CLSTN2: variants seen among roughly 807,000 people sequenced by gnomAD.
The protein encoded by CLSTN2 is calsyntenin-2.
A neutral mutation model predicts 101.2 loss-of-function variants in CLSTN2; 48 were observed. The ratio of observed to expected loss-of-function variants is 0.47; its 90% CI spans 0.38 to 0.60. CLSTN2 has a LOEUF of 0.60. CLSTN2 is among the 20% of genes least tolerant of loss of function. The pLI is 0.00. For missense variants in CLSTN2, 1,160 were observed against 1,238.2 expected (o/e 0.94, Z 0.95); for synonymous variants, 481 against 463.6 (o/e 1.04, Z -0.48).
chr3:140,522,620 T>G (rs1258398190), intron 8 of CLSTN2, among the ~76,000 whole-genome samples: 1 of 152,250 alleles, frequency 6.6e-6, no homozygotes, highest in Non-Finnish European at 1.5e-5. Context: ...TACTGTAGCA[T>G]GCTAGTCCGC....
At chr3:140,284,833 A>T (rs546838890) in intron 2 of CLSTN2, among the ~76,000 whole-genome samples, 1 of 152,204 alleles carries the variant, frequency 6.6e-6, no homozygotes, top group East Asian at 1.9e-4. Context: ...GACAGAGTTA[A>T]GACCAGTGTC....
chr3:140,033,519 C>G (rs532002875), intron 1 of CLSTN2, among the ~76,000 whole-genome samples: 2 of 152,270 alleles, frequency 1.3e-5, no homozygotes, highest in African/African-American at 4.8e-5. Flanking sequence ...GTGCAAAATA[C>G]CTGATAATTG....
At chr3:140,268,451 T>G (rs1206901907) in intron 2 of CLSTN2, among the ~76,000 whole-genome samples, 3 of 152,176 alleles carry the variant, frequency 2.0e-5, no homozygotes, top group Non-Finnish European at 4.4e-5. Flanking sequence ...ATATACACTT[T>G]ATAGTGTTAT....
intron 2 of CLSTN2, among the ~76,000 whole-genome samples, chr3:140,287,250 G>A (rs1342469710): frequency 1.3e-5 from 2 of 152,142 alleles, no homozygotes; most frequent in African/African-American, 4.8e-5. Context: ...AAATCATTAT[G>A]CTGAGTGAAA....
At chr3:140,545,555 T>C (rs537376796) in intron 9 of CLSTN2, among the ~76,000 whole-genome samples, 4 of 152,276 alleles carry the variant, frequency 2.6e-5, no homozygotes, top group African/African-American at 9.6e-5. Context: ...GAACAAACAG[T>C]ACAAGATCCA....
chr3:139,957,389 C>T (rs1359806223), intron 1 of CLSTN2, among the ~76,000 whole-genome samples: 1 of 152,182 alleles, frequency 6.6e-6, no homozygotes, highest in Non-Finnish European at 1.5e-5. Context: ...CAACACTAAC[C>T]TTCTCTATGT....
intron 1 of CLSTN2, among the ~76,000 whole-genome samples, chr3:139,945,602 C>T (rs769294930): frequency 1.3e-5 from 2 of 152,114 alleles, no homozygotes; most frequent in Admixed American, 6.5e-5. Context: ...CATGGTTACA[C>T]AAAAAATGCA....
Position 140,516,913 on chromosome 3 carries a change from C to A in CLSTN2, c.1345-15411C>A, listed in dbSNP as rs542700467. The stretch of plus-strand genomic sequence containing the variant: ...CCATGGAAGTTTCCCTCAATTATTC[C>A]TTCAAATACGTTTTCCAAACTTTTA... On this transcript the variant is annotated intron_variant, in intron 8 of 16. Transcript: ENST00000458420. Among the ~76,000 whole-genome samples, 296 of 152,294 alleles carry A rather than the reference C, an allele frequency of 1.9e-3. 2 individuals carry two copies. Among genetic ancestry groups the A allele is most frequent in the African/African-American group, 5.7e-3 (235 of 41,566 alleles).
intron 2 of CLSTN2, among the ~76,000 whole-genome samples, chr3:140,336,530 G>T (rs1197765938): frequency 6.6e-6 from 1 of 152,130 alleles, no homozygotes; most frequent in Non-Finnish European, 1.5e-5. Context: ...AAGCCCCAAG[G>T]CATGGCAGAA....
intron 1 of CLSTN2, among the ~76,000 whole-genome samples, chr3:140,082,708 T>C (rs190164225): frequency 6.6e-6 from 1 of 152,314 alleles, no homozygotes; most frequent in East Asian, 1.9e-4. Flanking sequence ...CCAGAAGTTG[T>C]CTGTACAACT....
chr3:140,457,333 A>G (rs1436891294), intron 6 of CLSTN2, among the ~76,000 whole-genome samples: 1 of 152,246 alleles, frequency 6.6e-6, no homozygotes, highest in African/African-American at 2.4e-5. Context: ...CTCTGTCACC[A>G]TCTGTCTTCA....
In CLSTN2 at chr3:140,512,657, A is replaced by G. The variant is rs571988255; in HGVS notation, c.1345-19667A>G. Among the ~76,000 whole-genome samples the G allele has an allele frequency of 4.9e-4, 75 of 152,288 alleles. 1 individual carries two copies. The highest frequency in any genetic ancestry group is 1.5e-3 in the African/African-American group (63 of 41,568). On this transcript the variant is annotated intron_variant, in intron 8 of 16. Transcript: ENST00000458420. ...TTTTCTAATTTCGTGAAGAATGTCA[A>G]TGGTAGTTTCATGGGAATAGCATTG...
intron 1 of CLSTN2, among the ~76,000 whole-genome samples, chr3:139,987,252 T>A (rs999635649): frequency 3.3e-5 from 5 of 152,220 alleles, no homozygotes; most frequent in Non-Finnish European, 7.3e-5. Flanking sequence ...GCATGATGCT[T>A]TTGCAGTATG....
At chr3:139,948,908 T>C (rs1308019724) in intron 1 of CLSTN2, among the ~76,000 whole-genome samples, 3 of 152,198 alleles carry the variant, frequency 2.0e-5, no homozygotes, top group African/African-American at 7.2e-5. Flanking sequence ...GCCCAGCACC[T>C]AGCCCAGTGT....
intron 1 of CLSTN2, among the ~76,000 whole-genome samples, chr3:140,105,902 G>A (rs1387000065): frequency 1.3e-5 from 2 of 152,206 alleles, no homozygotes; most frequent in East Asian, 3.9e-4. Context: ...GGTGACCTAA[G>A]AGGTGATGGG....
At chr3:140,035,513 G>T (rs371607083) in intron 1 of CLSTN2, among the ~76,000 whole-genome samples, 7 of 152,266 alleles carry the variant, frequency 4.6e-5, no homozygotes, top group Admixed American at 2.6e-4. Context: ...AGAGTCAGTT[G>T]GAATCCAAGT....
In CLSTN2 at chr3:140,264,647, T is replaced by A. The variant is rs144340642; in HGVS notation, c.232+88574T>A. On this transcript the variant is annotated intron_variant, in intron 2 of 16. Transcript: ENST00000458420. ...AGCAAGAACTGGCTATAGTTGATAA[T>A]GATTTCCTTTGAGGAGGATTCACTT... 6.9e-3 allele frequency among the ~76,000 whole-genome samples: 1,050 copies of A among 152,082 alleles called. 7 individuals are homozygous for A. Among genetic ancestry groups the A allele is most frequent in the Non-Finnish European group, 0.012 (817 of 67,990 alleles).
At chr3:140,054,535 G>C (rs1464417134) in intron 1 of CLSTN2, among the ~76,000 whole-genome samples, 1 of 152,172 alleles carries the variant, frequency 6.6e-6, no homozygotes, top group Non-Finnish European at 1.5e-5. Flanking sequence ...TCTGGCCACA[G>C]GCTTTGCTTA....
intron 2 of CLSTN2, among the ~76,000 whole-genome samples, chr3:140,262,478 A>G (rs1316570190): frequency 9.8e-6 from 1 of 102,374 alleles, no homozygotes; most frequent in African/African-American, 3.7e-5. Flanking sequence ...ATTTTTTATG[A>G]TGAATTATGA....
Sources: gnomAD v4.1 joint callset for allele counts (sites outside exome capture counted in the v4.1 genomes callset) on GRCh38, gnomAD v4.1.1 for gene constraint, MANE v1.5 for transcripts, NCBI Gene and HGNC (gene_info 2026-07-23, HGNC 2026-07-21) for gene names.